Variants in PCDHA8 observed in about 807,000 individuals in gnomAD.
PCDHA8 encodes the protein protocadherin alpha-8.
PCDHA8 carries 53 observed loss-of-function variants against 61.8 expected under a neutral mutation model. The ratio of observed to expected loss-of-function variants is 0.86; its 90% CI spans 0.69 to 1.08. PCDHA8 has a LOEUF of 1.08. Ranked by LOEUF, PCDHA8 falls within the 50% of genes least tolerant of loss-of-function variation. The pLI is 0.00. For synonymous variants in PCDHA8, 618 were observed against 556.6 expected, an observed-to-expected ratio of 1.11 and a Z score of -1.55; for missense variants, 1,293 against 1,245.0, an observed-to-expected ratio of 1.04 and a Z score of -0.58.
intron 1 of PCDHA8, among the ~76,000 whole-genome samples, chr5:140,920,617 G>A (rs569983611): frequency 9.7e-4 from 148 of 152,170 alleles, no homozygotes; most frequent in African/African-American, 2.6e-3. Context: ...AGGCCGAGGC[G>A]GATGGATCAC....
At chr5:140,920,481 G>T (rs2079651233) in intron 1 of PCDHA8, among the ~76,000 whole-genome samples, 1 of 151,886 alleles carries the variant, frequency 6.6e-6, no homozygotes, top group Non-Finnish European at 1.5e-5. Context: ...TATGTTTTTG[G>T]TCCAACAATA....
At chr5:140,975,022 G>A (rs2096650178) in intron 1 of PCDHA8, among the ~76,000 whole-genome samples, 2 of 152,188 alleles carry the variant, frequency 1.3e-5, no homozygotes, top group Admixed American at 1.3e-4. Context: ...GCTGGGCTGT[G>A]TTGTCCTTTG....
intron 1 of PCDHA8, chr5:140,929,493 A>G: frequency 9.4e-7 from 1 of 1,059,368 alleles, no homozygotes; most frequent in Non-Finnish European, 1.3e-6. Flanking sequence ...GTATTAGAAG[A>G]TTGCCCTAGG....
chr5:140,966,698 G>C, intron 1 of PCDHA8: 2 of 1,363,568 alleles, frequency 1.5e-6, no homozygotes, highest in Non-Finnish European at 1.9e-6. Flanking sequence ...CGGGGCCCGG[G>C]CGTGGGGCAC....
intron 2 of PCDHA8, 87 bp downstream of exon 2, chr5:140,979,094 T>C (rs1203462119): frequency 6.4e-7 from 1 of 1,551,870 alleles, no homozygotes; most frequent in Non-Finnish European, 8.7e-7. Flanking sequence ...CAGAAGCAGC[T>C]GTCAAAACTA....
chr5:140,896,242 C>T (rs1228427310), intron 1 of PCDHA8, among the ~76,000 whole-genome samples: 2 of 152,154 alleles, frequency 1.3e-5, no homozygotes, highest in Non-Finnish European at 2.9e-5. Flanking sequence ...GACTTATATT[C>T]CTTTGGTTAT....
intron 1 of PCDHA8, chr5:140,928,805 T>C (rs1554206331): frequency 6.2e-7 from 1 of 1,614,162 alleles, no homozygotes. Context: ...GTGGTAGTGG[T>C]TCGGGACCAT....
chr5:140,882,330 T>C (rs1554173536), intron 1 of PCDHA8: 26 of 1,614,056 alleles, frequency 1.6e-5, no homozygotes, highest in Non-Finnish European at 2.1e-5. Context: ...CTTCTGATCC[T>C]CGCAGCCTGG....
intron 1 of PCDHA8, chr5:140,850,383 G>A (rs2150481860): frequency 2.5e-6 from 4 of 1,597,842 alleles, no homozygotes; most frequent in South Asian, 1.1e-5. Context: ...GTACACGGGC[G>A]AGATCAGCAC....
chr5:140,961,255 C>G (rs1446798989), intron 1 of PCDHA8, among the ~76,000 whole-genome samples: 1 of 152,164 alleles, frequency 6.6e-6, no homozygotes, highest in African/African-American at 2.4e-5. Context: ...TCCGAAGCTC[C>G]AGGAAGCTTC....
intron 1 of PCDHA8, chr5:140,877,772 C>A (rs372461540): frequency 1.2e-6 from 2 of 1,614,152 alleles, no homozygotes; most frequent in Non-Finnish European, 1.7e-6. Context: ...CCGCCCAAGA[C>A]GGACCTCATG....
chr5:140,869,484 C>A, intron 1 of PCDHA8: 2 of 1,613,948 alleles, frequency 1.2e-6, no homozygotes, highest in Non-Finnish European at 1.7e-6. Flanking sequence ...AGGACATTAA[C>A]GACAACCCGC....
chr5:140,848,947 G>T lies in PCDHA8; in HGVS notation c.2394+5232G>T, dbSNP rs201305186. ...GCGGAATCCAGGCCGCTTGACTCTC[G>T]GTTTCCACTAGAGGGCGCGTCCGAT... is the stretch of plus-strand genomic sequence containing the variant. On this transcript the variant is annotated intron_variant, in intron 1 of 3. Coordinates refer to ENST00000531613, the MANE Select transcript of PCDHA8 (RefSeq NM_018911.3). 2.7e-4 allele frequency: 426 copies of T among 1,606,834 alleles called. 2 individuals are homozygous for T. The highest frequency in any genetic ancestry group is 3.5e-4 in the Non-Finnish European group (408 of 1,176,678).
chr5:140,890,565 T>C (rs1381687393), intron 1 of PCDHA8, among the ~76,000 whole-genome samples: 1 of 152,194 alleles, frequency 6.6e-6, no homozygotes, highest in Non-Finnish European at 1.5e-5. Context: ...TATTGTTCCA[T>C]TTCCTTCTGT....
rs145195613 is a variant in PCDHA8, at chr5:140,845,173, T to C, written c.2394+1458T>C. Among the ~76,000 whole-genome samples, 10 of 149,788 alleles carry C rather than the reference T, an allele frequency of 6.7e-5. No individual in the cohort carries two copies. The East Asian group carries it at 1.7e-3, about 26-fold the overall frequency. On this transcript the variant is annotated intron_variant, in intron 1 of 3. Transcript: ENST00000531613. ...GTGTAAAAGCGAATTGTTTTCATTTTAGTCCTTTAAAAAATATGATTGTTT... is the reference window on the plus strand; with the variant it reads ...GTGTAAAAGCGAATTGTTTTCATTTCAGTCCTTTAAAAAATATGATTGTTT...
rs2150358522 is a variant in PCDHA8 at position 140,843,370 on chromosome 5, G to C, written c.2049G>C (p.Ser683=). 44 of 1,595,972 alleles carry C rather than the reference G, an allele frequency of 2.8e-5. 4 individuals carry two copies. The highest frequency in any genetic ancestry group is 3.5e-5 in the Non-Finnish European group (41 of 1,165,612). ...CTCCAAAAGCGTCATCGAGGCAGTC[G>C]GCTGGCGTTTTGGGTCCGGAAGCGG... ...GQAPKASSRQ[S]AGVLGPEAAL... Residue 683 remains serine, a synonymous_variant, in exon 1 of 4, where the codon TCG becomes TCC. Transcript: ENST00000531613.
At position 140,841,354 on chromosome 5, in the gene PCDHA8, C is replaced by T. The variant is rs1777172316; in HGVS notation, c.33C>T (p.Ser11=). Reference sequence around the variant, plus strand: ...ATCACTGGCGAGGAGAGCTGGGATCCTGGCGACTACTACTCTTGCTTCTGC... The same window carrying T: ...ATCACTGGCGAGGAGAGCTGGGATCTTGGCGACTACTACTCTTGCTTCTGC... MDYHWRGELG[S]WRLLLLLLLL... The change falls in exon 1 of 4, where the codon TCC becomes TCT. Residue 11 remains serine, a synonymous_variant. Coordinates refer to ENST00000531613, the MANE Select transcript of PCDHA8 (RefSeq NM_018911.3). The T allele has an allele frequency of 1.2e-6, 2 of 1,612,948 alleles. No homozygotes were observed. Among genetic ancestry groups the T allele is most frequent in the Non-Finnish European group, 1.7e-6 (2 of 1,179,324 alleles).
intron 1 of PCDHA8, among the ~76,000 whole-genome samples, chr5:140,964,721 CA>C (rs1340678918): frequency 1.3e-5 from 2 of 151,598 alleles, no homozygotes; most frequent in African/African-American, 4.9e-5. Flanking sequence ...CAAATTACCA[CA>C]GCAAACTGAG....
intron 1 of PCDHA8, among the ~76,000 whole-genome samples, chr5:140,906,707 CT>C (rs1554192656): frequency 6.6e-6 from 1 of 152,198 alleles, no homozygotes; most frequent in Non-Finnish European, 1.5e-5. Flanking sequence ...ATTTGTAGTC[CT>C]GCCTGGATTG....
Sources: gnomAD v4.1 joint callset for allele counts (sites outside exome capture counted in the v4.1 genomes callset) on GRCh38, gnomAD v4.1.1 for gene constraint, MANE v1.5 for transcripts, NCBI Gene and HGNC (gene_info 2026-07-23, HGNC 2026-07-21) for gene names.